CEP192: variants seen among roughly 807,000 people sequenced by gnomAD.
The protein encoded by CEP192 is centrosomal protein 192.
A neutral mutation model predicts 271.8 loss-of-function variants in CEP192; 151 were observed. The ratio of observed to expected loss-of-function variants is 0.56; its 90% confidence interval spans 0.49 to 0.64. The LOEUF is 0.64. CEP192 is among the 30% of genes least tolerant of loss of function. CEP192 has a pLI of 0.00. For synonymous variants in CEP192, 995 were observed against 1,076.5 expected (o/e 0.92, Z 1.48); for missense variants, 2,910 against 3,020.5 (o/e 0.96, Z 0.86).
At position 13,073,018 on chromosome 18, in the gene CEP192, A is replaced by G. The variant is rs2038095489; in HGVS notation, c.5449A>G (p.Thr1817Ala). ...QDQDCFQLQN[T>A]FGSEQRLTSN... Reference sequence around the variant, plus strand: ...TGTTTTTAAATTGTAGCTTCAGAACACTTTTGGTTCAGAACAGCGATTGAC... The same window carrying G: ...TGTTTTTAAATTGTAGCTTCAGAACGCTTTTGGTTCAGAACAGCGATTGAC... The change falls in exon 30 of 45, where the codon ACT becomes GCT. Residue 1817 changes from threonine to alanine, a missense_variant. By Grantham distance (58) the Thr-to-Ala change is moderately conservative (BLOSUM62 0). Coordinates refer to ENST00000506447, the MANE Select transcript of CEP192 (RefSeq NM_032142.4). The G allele has an allele frequency of 1.2e-6, 2 of 1,605,386 alleles. No individual in the cohort carries two copies. Among genetic ancestry groups the G allele is most frequent in the East Asian group, 4.5e-5 (2 of 44,842 alleles).
intron 21 of CEP192, among the ~76,000 whole-genome samples, chr18:13,061,292 C>T (rs2037393881): frequency 6.6e-6 from 1 of 152,220 alleles, no homozygotes; most frequent in Non-Finnish European, 1.5e-5. Flanking sequence ...TATTGCACTC[C>T]AGCCTGGACA....
chr18:13,009,697 A>T (rs940873540), intron 4 of CEP192, among the ~76,000 whole-genome samples: 7 of 152,142 alleles, frequency 4.6e-5, no homozygotes, highest in Non-Finnish European at 1.5e-5. Flanking sequence ...GCCAGACATC[A>T]TGGTGGCTAC....
intron 44 of CEP192, among the ~76,000 whole-genome samples, chr18:13,123,825 A>G (rs1018626521): frequency 5.9e-5 from 9 of 152,198 alleles, no homozygotes; most frequent in Admixed American, 4.6e-4. Context: ...ACCTGCCTCT[A>G]TATACTGTAA....
At chr18:13,116,008 C>T (rs968541403) in intron 42 of CEP192, among the ~76,000 whole-genome samples, 1 of 152,158 alleles carries the variant, frequency 6.6e-6, no homozygotes, top group Non-Finnish European at 1.5e-5. Context: ...TGCCTGGAGG[C>T]CACACCTGCA....
chr18:13,013,686 A>T (rs887091689), intron 5 of CEP192, among the ~76,000 whole-genome samples: 34 of 152,346 alleles, frequency 2.2e-4, no homozygotes, highest in African/African-American at 8.2e-4. Flanking sequence ...AGTATAAAGG[A>T]TGAGCTCTTT....
chr18:13,040,924 A>C lies in CEP192; in HGVS notation c.1904A>C (p.Glu635Ala). ...SDVSRGNLEK[E>A]MAHLNHDLYS... ...GTATCAAGAGGTAATTTGGAAAAAG[A>C]AATGGCTCATCTTAACCATGATCTA... Residue 635 changes from glutamate to alanine, a missense_variant, in exon 14 of 45, where the codon GAA becomes GCA. Transcript: ENST00000506447. 1.2e-6 allele frequency: 2 copies of C among 1,612,212 alleles called. No individual in the cohort carries two copies. The highest frequency in any genetic ancestry group is 1.7e-6 in the Non-Finnish European group (2 of 1,178,778).
intron 4 of CEP192, among the ~76,000 whole-genome samples, chr18:13,012,257 CTGTA>C (rs922798951): frequency 1.3e-5 from 2 of 152,116 alleles, no homozygotes; most frequent in African/African-American, 4.8e-5. Flanking sequence ...AGCCACTGAA[CTGTA>C]TACCTTAAAA....
intron 21 of CEP192, among the ~76,000 whole-genome samples, chr18:13,065,528 A>C (rs2037647867): frequency 6.6e-6 from 1 of 152,250 alleles, no homozygotes; most frequent in South Asian, 2.1e-4. Context: ...CTGCAGTTAC[A>C]AAAGAACTAA....
rs563526377 is a variant in CEP192, at chr18:13,095,650, C to T, written c.6402C>T (p.Pro2134=). The stretch of plus-strand genomic sequence containing the variant: ...CCGAAGAGCCGTGGACTGTCCTACC[C>T]GAGCACTTGATTCTGGTAGCTCCTT... ...LASEEPWTVL[P]EHLILVAPSP... The change falls in exon 35 of 45, where the codon CCC becomes CCT. Residue 2134 remains proline, a synonymous_variant. Transcript: ENST00000506447. The T allele has an allele frequency of 9.9e-6, 16 of 1,613,398 alleles. No individual in the cohort carries two copies. The South Asian group carries it at 1.1e-4, about 11-fold the overall frequency.
chr18:13,073,546 G>A (rs904061577), intron 30 of CEP192, among the ~76,000 whole-genome samples: 32 of 152,172 alleles, frequency 2.1e-4, no homozygotes, highest in African/African-American at 7.2e-4. Context: ...CAAAAATACT[G>A]TCTCTGTCTG....
At chr18:13,112,171 A>G (rs2040238373) in intron 40 of CEP192, among the ~76,000 whole-genome samples, 1 of 152,278 alleles carries the variant, frequency 6.6e-6, no homozygotes, top group South Asian at 2.1e-4. Flanking sequence ...AAACTTGTTC[A>G]CAAGTGTTCA....
chr18:13,043,078 C>T (rs1030780058), intron 15 of CEP192, among the ~76,000 whole-genome samples: 1 of 152,226 alleles, frequency 6.6e-6, no homozygotes, highest in African/African-American at 2.4e-5. Context: ...TGGCATTACT[C>T]GTTATTCTGG....
chr18:13,015,464 CTG>C lies in CEP192; in HGVS notation c.640+20_640+21del. The C allele has an allele frequency of 6.5e-7, 1 of 1,549,624 alleles. No individual in the cohort carries two copies. The highest frequency in any genetic ancestry group is 8.7e-7 in the Non-Finnish European group (1 of 1,146,108). The stretch of plus-strand genomic sequence containing the variant: ...GATTCTTCTGGTACTGCAGAGTAAC[CTG>C]TGTTTCCCTGGTCTTCACCTTGCCA... On this transcript the variant is annotated intron_variant, in intron 6 of 44. Coordinates refer to ENST00000506447, the MANE Select transcript of CEP192 (RefSeq NM_032142.4).
intron 30 of CEP192, among the ~76,000 whole-genome samples, chr18:13,076,023 A>G (rs1024896921): frequency 7.2e-5 from 11 of 152,264 alleles, no homozygotes; most frequent in Admixed American, 5.2e-4. Context: ...TTCGTTTGTC[A>G]TAACTGGGGG....
chr18:13,101,375 A>G (rs2039696625), intron 38 of CEP192, among the ~76,000 whole-genome samples: 1 of 152,122 alleles, frequency 6.6e-6, no homozygotes. Flanking sequence ...ACTTAGGGTA[A>G]TTTCAACTTA....
chr18:13,089,433 TAA>T, intron 32 of CEP192, 21 bp from the exon 33 acceptor site: 1 of 1,210,336 alleles, frequency 8.3e-7, no homozygotes, highest in Non-Finnish European at 1.2e-6. Flanking sequence ...TTTTAAATAA[TAA>T]AAAAAAATCT....
intron 24 of CEP192, 103 bp from the exon 25 acceptor site, chr18:13,068,749 A>G: frequency 1.6e-6 from 2 of 1,228,756 alleles, no homozygotes; most frequent in Non-Finnish European, 2.3e-6. Context: ...CTGCTTGCCT[A>G]AATTTTCTTA....
chr18:13,124,884 T>C lies in CEP192; in HGVS notation c.*114T>C, dbSNP rs1466369984. 2 of 883,772 alleles carry C rather than the reference T, an allele frequency of 2.3e-6. No individual in the cohort carries two copies. Among genetic ancestry groups the C allele is most frequent in the Non-Finnish European group, 3.4e-6 (2 of 596,376 alleles). 54.7% of individuals were successfully genotyped at this position (883,772 alleles called of 1,614,324 possible). ...TATTTTGTATGATGGATATCTATAA[T>C]TGTAGATTTTGTTTTTACAAGCTAA... On this transcript the variant is annotated 3_prime_UTR_variant, in exon 45 of 45. Coordinates refer to ENST00000506447, the MANE Select transcript of CEP192 (RefSeq NM_032142.4).
chr18:13,096,063 C>A (rs2039384077), intron 35 of CEP192, 121 bp from the exon 36 acceptor site: 2 of 962,752 alleles, frequency 2.1e-6, no homozygotes, highest in South Asian at 1.7e-5. Flanking sequence ...TGTAATTGAG[C>A]AGTTGAGAAA....
Sources: allele counts gnomAD v4.1 joint callset (sites outside exome capture counted in the v4.1 genomes callset), GRCh38; gene constraint gnomAD v4.1.1; transcripts MANE v1.5; gene names NCBI Gene and HGNC (gene_info 2026-07-23, HGNC 2026-07-21).